Variants in PSMA6 observed in about 807,000 individuals in gnomAD.
PSMA6 encodes the protein proteasome subunit alpha type-6.
For missense variants in PSMA6, 170 were observed against 294.8 expected (o/e 0.58, Z 3.10); for synonymous variants, 88 against 97.7 (o/e 0.90, Z 0.59).
At chr14:35,302,212 A>T (rs1191132549) in intron 1 of PSMA6, among the ~76,000 whole-genome samples, 3 of 152,000 alleles carry the variant, frequency 2.0e-5, no homozygotes, top group Non-Finnish European at 4.4e-5. Flanking sequence ...CCAGTTTTTG[A>T]CTTAGCTGGT....
intron 2 of PSMA6, chr14:35,308,568 T>C: frequency 3.8e-6 from 1 of 260,046 alleles, no homozygotes; most frequent in South Asian, 5.4e-5. Context: ...TATATACAGT[T>C]CAGCTGTGTG....
intron 1 of PSMA6, among the ~76,000 whole-genome samples, chr14:35,304,206 C>T (rs1211693842): frequency 6.6e-6 from 1 of 152,150 alleles, no homozygotes; most frequent in East Asian, 1.9e-4. Context: ...CTCCTGACTT[C>T]AGGTGATCTG....
chr14:35,293,019 C>G (rs1023376948), intron 1 of PSMA6: 6 of 457,228 alleles, frequency 1.3e-5, no homozygotes, highest in Non-Finnish European at 2.2e-5. Flanking sequence ...ACTGCTAGTC[C>G]TAGGAGATAC....
upstream of PSMA6, chr14:35,292,309 A>G (rs916480484): frequency 6.9e-7 from 1 of 1,440,740 alleles, no homozygotes; most frequent in African/African-American, 1.5e-5. Flanking sequence ...GGGGCCTCAG[A>G]GCTCAGTGCT....
chr14:35,306,718 A>T (rs1025094368), intron 1 of PSMA6, among the ~76,000 whole-genome samples: 1 of 152,112 alleles, frequency 6.6e-6, no homozygotes, highest in Non-Finnish European at 1.5e-5. Flanking sequence ...TACTGTCGAA[A>T]GACAGCCATT....
upstream of PSMA6, among the ~76,000 whole-genome samples, chr14:35,287,427 T>C (rs1468492454): frequency 6.6e-6 from 1 of 152,206 alleles, no homozygotes; most frequent in Non-Finnish European, 1.5e-5. Flanking sequence ...GCTTCTTTTT[T>C]TTTATTCCCT....
chr14:35,301,348 T>C (rs2051707583), intron 1 of PSMA6, among the ~76,000 whole-genome samples: 1 of 151,906 alleles, frequency 6.6e-6, no homozygotes, highest in African/African-American at 2.4e-5. Flanking sequence ...CTACTAAAAA[T>C]ACAGAAAAAC....
chr14:35,291,976 G>A (rs1003474262), upstream of PSMA6, among the ~76,000 whole-genome samples: 5 of 152,130 alleles, frequency 3.3e-5, no homozygotes, highest in African/African-American at 9.7e-5. Context: ...AGCTGCAGCT[G>A]CAACCTGTTT....
At chr14:35,289,506 TG>T (rs199991076), upstream of PSMA6, among the ~76,000 whole-genome samples, 16,309 of 151,920 alleles carry the variant, frequency 0.11, 929 homozygotes, top group Middle Eastern at 0.16. Context: ...CTTTTTTTGT[TG>T]TTGTTGTATT....
At chr14:35,295,462 T>TC (rs1444924720) in intron 1 of PSMA6, among the ~76,000 whole-genome samples, 29 of 151,336 alleles carry the variant, frequency 1.9e-4, no homozygotes, top group Admixed American at 3.9e-4. Flanking sequence ...TTTTTTTTTT[T>TC]CCCTTTGAGA....
In PSMA6 at chr14:35,312,732, G is replaced by T. The variant is rs80315070; in HGVS notation, c.410-149G>T. The T allele has an allele frequency of 0.073, 44,524 of 610,670 alleles. 1,925 individuals are homozygous for T. Among genetic ancestry groups the T allele is most frequent in the Middle Eastern group, 0.11 (408 of 3,826 alleles). 37.8% of individuals were successfully genotyped at this position (610,670 alleles called of 1,614,324 possible). A position where few individuals can be genotyped will look rare whatever the true frequency, so the allele number is the denominator to read the frequency against. The stretch of plus-strand genomic sequence containing the variant: ...CCTAATTTACCTGTGGTGATAACCT[G>T]TATTTTATCAGTTTTCTTAAAGGAA... On this transcript the variant is annotated intron_variant, in intron 4 of 6. Coordinates refer to ENST00000261479, the MANE Select transcript of PSMA6 (RefSeq NM_002791.3).
chr14:35,279,039 A>G (rs2051336846), intron 1 of PSMA6, among the ~76,000 whole-genome samples: 2 of 151,120 alleles, frequency 1.3e-5, no homozygotes, highest in Admixed American at 1.3e-4. Context: ...CTTCTTCCTC[A>G]TGTATTCTTT....
At chr14:35,283,715 G>A (rs1023120231) in intron 1 of PSMA6, among the ~76,000 whole-genome samples, 4 of 151,766 alleles carry the variant, frequency 2.6e-5, no homozygotes, top group African/African-American at 4.8e-5. Context: ...ACCCTATAAG[G>A]TGGACACCAC....
chr14:35,290,274 C>CT (rs1462010734), upstream of PSMA6, among the ~76,000 whole-genome samples: 4 of 152,160 alleles, frequency 2.6e-5, no homozygotes, highest in Non-Finnish European at 4.4e-5. Context: ...ACCGAGAACT[C>CT]TGACTATGCA....
chr14:35,316,961 A>C (rs2052055777), intron 6 of PSMA6: 1 of 295,328 alleles, frequency 3.4e-6, no homozygotes, highest in South Asian at 7.1e-5. Flanking sequence ...AATATTTTCT[A>C]TCTTAGCTGC....
At chr14:35,310,639 T>C in intron 3 of PSMA6, 101 bp from the exon 4 acceptor site, 2 of 1,156,106 alleles carry the variant, frequency 1.7e-6, no homozygotes, top group Admixed American at 2.3e-5. Context: ...CTTTAACTCA[T>C]GTATGTCTAT....
At chr14:35,308,144 A>T (rs1432847053) in intron 2 of PSMA6, 56 bp downstream of exon 2, 1 of 1,590,468 alleles carries the variant, frequency 6.3e-7, no homozygotes, top group African/African-American at 1.4e-5. Flanking sequence ...TTTTTCAGCC[A>T]AGTGCAGTGG....
intron 1 of PSMA6, among the ~76,000 whole-genome samples, chr14:35,281,196 T>C (rs2051362959): frequency 6.6e-6 from 1 of 152,214 alleles, no homozygotes; most frequent in South Asian, 2.1e-4. Context: ...TTACCTCCTT[T>C]GGTCTCCATC....
chr14:35,296,566 T>C (rs973261437), intron 1 of PSMA6, among the ~76,000 whole-genome samples: 2 of 152,060 alleles, frequency 1.3e-5, no homozygotes, highest in African/African-American at 4.8e-5. Context: ...CCTGACCTCA[T>C]GATCTGCCCA....
Sources: allele counts gnomAD v4.1 joint callset (sites outside exome capture counted in the v4.1 genomes callset), GRCh38; gene constraint gnomAD v4.1.1; transcripts MANE v1.5; gene names NCBI Gene and HGNC (gene_info 2026-07-23, HGNC 2026-07-21).